MARCHF1: variants seen among roughly 807,000 people sequenced by gnomAD.
The protein encoded by MARCHF1 is E3 ubiquitin-protein ligase MARCHF1.
In MARCHF1, 40 loss-of-function variants were observed where a neutral mutation model predicts 54.2. That is an observed-to-expected ratio of 0.74 (90% CI 0.57 to 0.96). The LOEUF is 0.96. Among genes scored for constraint, MARCHF1 ranks in the 40% least tolerant of loss-of-function variants. MARCHF1 has a pLI of 0.00. For synonymous variants in MARCHF1, 236 were observed against 236.3 expected (o/e 1.00, Z 0.01); for missense variants, 586 against 656.5 (o/e 0.89, Z 1.17).
chr4:164,351,272 G>GGCCT (rs1234381574), intron 1 of MARCHF1, among the ~76,000 whole-genome samples: 2 of 150,230 alleles, frequency 1.3e-5, no homozygotes, highest in Non-Finnish European at 3.0e-5. Context: ...AGCTCAAGGA[G>GGCCT]GCCTGCCTGC....
chr4:164,121,215 T>G (rs1756058866), intron 1 of MARCHF1, among the ~76,000 whole-genome samples: 1 of 152,102 alleles, frequency 6.6e-6, no homozygotes, highest in Non-Finnish European at 1.5e-5. Context: ...TTGGAAAATC[T>G]AGAAGAAATG....
At chr4:164,338,927 G>A (rs1266336799) in intron 1 of MARCHF1, among the ~76,000 whole-genome samples, 1 of 151,898 alleles carries the variant, frequency 6.6e-6, no homozygotes. Flanking sequence ...AGCCAAGATC[G>A]CACCATTGCA....
intron 1 of MARCHF1, among the ~76,000 whole-genome samples, chr4:164,362,716 A>G (rs1730758761): frequency 6.6e-6 from 1 of 152,174 alleles, no homozygotes; most frequent in South Asian, 2.1e-4. Context: ...GAATTTGCAT[A>G]ACAATTTTAA....
At chr4:163,662,843 G>A (rs1198186894) in intron 5 of MARCHF1, among the ~76,000 whole-genome samples, 1 of 151,944 alleles carries the variant, frequency 6.6e-6, no homozygotes. Flanking sequence ...CACACGCTAA[G>A]GCCGGCATTC....
intron 2 of MARCHF1, among the ~76,000 whole-genome samples, chr4:164,093,729 T>C (rs1047076387): frequency 2.0e-5 from 3 of 152,140 alleles, no homozygotes; most frequent in Admixed American, 6.6e-5. Flanking sequence ...TGGTGGTCCC[T>C]TCAGGCTAGA....
At chr4:163,839,452 G>A (rs1749277790) in intron 4 of MARCHF1, among the ~76,000 whole-genome samples, 1 of 152,046 alleles carries the variant, frequency 6.6e-6, no homozygotes, top group African/African-American at 2.4e-5. Flanking sequence ...TCGCCAAGAA[G>A]TGAAAACAAC....
chr4:163,834,602 C>G (rs1406814385), intron 4 of MARCHF1, among the ~76,000 whole-genome samples: 1 of 115,090 alleles, frequency 8.7e-6, no homozygotes, highest in African/African-American at 3.3e-5. Context: ...TCCCTCCCCC[C>G]TCCCCCCACC....
At chr4:164,044,043 G>A (rs1413350382) in intron 2 of MARCHF1, among the ~76,000 whole-genome samples, 2 of 152,096 alleles carry the variant, frequency 1.3e-5, no homozygotes, top group Non-Finnish European at 2.9e-5. Flanking sequence ...TCAGCATTTT[G>A]CTCAAAACCA....
chr4:163,965,621 T>C (rs62348069), intron 3 of MARCHF1, among the ~76,000 whole-genome samples: 3,813 of 152,170 alleles, frequency 0.025, 74 homozygotes, highest in South Asian at 0.055. Flanking sequence ...CTACTGTACA[T>C]GACATTTTAA....
chr4:163,939,785 T>C (rs901217442), intron 3 of MARCHF1, among the ~76,000 whole-genome samples: 1 of 152,168 alleles, frequency 6.6e-6, no homozygotes. Context: ...TTACACAGCA[T>C]TTTTCAGCTG....
intron 1 of MARCHF1, among the ~76,000 whole-genome samples, chr4:164,318,349 T>C (rs949300811): frequency 2.6e-4 from 40 of 151,626 alleles, no homozygotes; most frequent in Admixed American, 9.2e-4. Flanking sequence ...AGTAAGGGGG[T>C]TGGTTTTGTT....
At chr4:163,685,511 G>A (rs1254163633) in intron 5 of MARCHF1, among the ~76,000 whole-genome samples, 3 of 152,088 alleles carry the variant, frequency 2.0e-5, no homozygotes, top group Non-Finnish European at 4.4e-5. Flanking sequence ...TTGGAGTGCA[G>A]TAGCGTGAAC....
intron 3 of MARCHF1, among the ~76,000 whole-genome samples, chr4:163,870,729 C>G (rs919845637): frequency 6.6e-6 from 1 of 151,968 alleles, no homozygotes; most frequent in Non-Finnish European, 1.5e-5. Flanking sequence ...GTGAAATAAG[C>G]CAGCACGGAA....
rs774603753 is a variant in MARCHF1 at position 163,828,054 on chromosome 4, C to CACAGAGAG, written c.111+25966_111+25967insCTCTCTGT. Among the ~76,000 whole-genome samples, 763 of 148,304 alleles carry CACAGAGAG rather than the reference C, an allele frequency of 5.1e-3. 4 individuals carry two copies. The highest frequency in any genetic ancestry group is 0.014 in the Middle Eastern group (4 of 294). On this transcript the variant is annotated intron_variant, in intron 4 of 9. Transcript: ENST00000514618. The stretch of plus-strand genomic sequence containing the variant: ...ACACACACACACACACACACACACA[C>CACAGAGAG]AGACACACCTTGTCATTCTCCTCCT...
rs374101388 is a variant in MARCHF1, at chr4:164,020,986, TTTTG to T, written c.-247-32281_-247-32278del. On this transcript the variant is annotated intron_variant, in intron 2 of 9. Coordinates refer to ENST00000514618, the MANE Select transcript of MARCHF1 (RefSeq NM_001394959.1). ...AAGTGCTCATTTGTTGTTGTTGTTG[TTTTG>T]TTTGTTTTAATTAAGGAAAGGACAA... Among the ~76,000 whole-genome samples, 649 of 152,252 alleles carry T rather than the reference TTTTG, an allele frequency of 4.3e-3. 4 individuals are homozygous for T. Among genetic ancestry groups the T allele is most frequent in the African/African-American group, 0.013 (553 of 41,524 alleles).
chr4:163,545,127 G>T (rs1025489255), intron 9 of MARCHF1, among the ~76,000 whole-genome samples: 7 of 152,076 alleles, frequency 4.6e-5, no homozygotes, highest in Non-Finnish European at 8.8e-5. Flanking sequence ...GTCAAACCAT[G>T]GTGCTAACCC....
intron 3 of MARCHF1, among the ~76,000 whole-genome samples, chr4:163,976,974 C>T (rs560610671): frequency 1.8e-4 from 27 of 152,152 alleles, no homozygotes; most frequent in African/African-American, 6.5e-4. Flanking sequence ...AAAAATAGTT[C>T]TGTTAAGTCA....
chr4:163,825,333 C>T (rs1206308884), intron 4 of MARCHF1, among the ~76,000 whole-genome samples: 2 of 151,946 alleles, frequency 1.3e-5, no homozygotes, highest in African/African-American at 2.4e-5. Context: ...TTTCTTTAAC[C>T]AGTCTAACAT....
chr4:164,085,947 T>C (rs1448275085), intron 2 of MARCHF1, among the ~76,000 whole-genome samples: 1 of 151,764 alleles, frequency 6.6e-6, no homozygotes, highest in African/African-American at 2.4e-5. Context: ...CTTTCAGTTA[T>C]AGAAATTTTT....
Sources: allele counts gnomAD v4.1 joint callset (sites outside exome capture counted in the v4.1 genomes callset), GRCh38; gene constraint gnomAD v4.1.1; transcripts MANE v1.5; gene names NCBI Gene and HGNC (gene_info 2026-07-23, HGNC 2026-07-21).